AP1M1: variants seen among roughly 807,000 people sequenced by gnomAD.
The protein encoded by AP1M1 is adaptor related protein complex 1 subunit mu 1, also known as AP-1 complex subunit mu-1.
In AP1M1, 18 loss-of-function variants were observed where a neutral mutation model predicts 57.1. The observed-to-expected ratio is 0.32, with a 90% CI of 0.22 to 0.47. AP1M1 has a LOEUF of 0.47. Among genes scored for constraint, AP1M1 ranks in the 20% least tolerant of loss-of-function variants. The pLI is 1.00. For synonymous variants in AP1M1, 241 were observed against 237.9 expected (o/e 1.01, Z -0.12); for missense variants, 362 against 593.5 (o/e 0.61, Z 4.05).
Position 16,231,103 on chromosome 19 carries a change from ATG to A in AP1M1, c.1047+2176_1047+2177del, listed in dbSNP as rs1372726313. On this transcript the variant is annotated intron_variant, in intron 9 of 11. Coordinates refer to ENST00000291439, the MANE Select transcript of AP1M1 (RefSeq NM_032493.4). ...GGAGATCAAGACCATCCTGGCTAAC[ATG>A]GTGAAACCCCGTCTCTACTAAAAAT... Among the ~76,000 whole-genome samples the A allele has an allele frequency of 7.2e-5, 11 of 152,042 alleles. No individual in the cohort carries two copies. The East Asian group carries it at 1.2e-3, about 16-fold the overall frequency.
chr19:16,203,333 T>C lies in AP1M1; in HGVS notation c.43-126T>C. 1.1e-6 allele frequency: 1 copy of C among 914,490 alleles called. No individual in the cohort carries two copies. The highest frequency in any genetic ancestry group is 1.6e-5 in the African/African-American group (1 of 60,650). The allele number at this position is 914,490 out of a possible 1,614,324, so 56.6% of individuals were successfully genotyped here. A position where few individuals can be genotyped will look rare whatever the true frequency, so the allele number is the denominator to read the frequency against. On this transcript the variant is annotated intron_variant, in intron 1 of 11. Coordinates refer to ENST00000291439, the MANE Select transcript of AP1M1 (RefSeq NM_032493.4). This position sits in a 1 kb window ranked among gnomAD's most constrained non-coding sequence, Gnocchi z 4.6. ...AGAACGGCCTCAAGTCCTGCTCTTT[T>C]GCGGATAGTGGCCATGACCGGAGTC...
At chr19:16,205,744 G>C (rs1484185055) in intron 2 of AP1M1, among the ~76,000 whole-genome samples, 1 of 152,228 alleles carries the variant, frequency 6.6e-6, no homozygotes, top group East Asian at 1.9e-4. Flanking sequence ...TCCTGTGGCA[G>C]AAGGGAACAT....
rs2091576610 is a variant in AP1M1 at position 16,227,562 on chromosome 19, T to G, written c.688T>G (p.Ser230Ala). Residue 230 changes from serine (S) to alanine (A), a missense_variant, in exon 7 of 12, where the codon TCC (serine) becomes GCC (alanine). Coordinates refer to ENST00000291439, the MANE Select transcript of AP1M1 (RefSeq NM_032493.4). The surrounding 1 kb of genome is among the most constrained non-coding windows in gnomAD (Gnocchi z 6.2). ...CCTGACCCCAGGCGGCAAAAGCAAA[T>G]CCGTGGAGCTGGAGGATGTGAAGTT... Reference protein sequence around the residue: ...FDNTGRGKSKSVELEDVKFHQ... With the variant: ...FDNTGRGKSKAVELEDVKFHQ... The G allele has an allele frequency of 6.2e-7, 1 of 1,613,624 alleles. No homozygotes were observed. Among genetic ancestry groups the G allele is most frequent in the South Asian group, 1.1e-5 (1 of 91,090 alleles).
intron 5 of AP1M1, among the ~76,000 whole-genome samples, chr19:16,212,604 C>G (rs780632599): frequency 6.6e-5 from 10 of 152,140 alleles, no homozygotes; most frequent in Non-Finnish European, 1.2e-4. Context: ...TTCTAGAGTT[C>G]AGCTGTGACT....
rs546999881 is a variant in AP1M1 at position 16,231,116 on chromosome 19, G to A, written c.1047+2188G>A. On this transcript the variant is annotated intron_variant, in intron 9 of 11. Coordinates refer to ENST00000291439, the MANE Select transcript of AP1M1 (RefSeq NM_032493.4). ...ATCCTGGCTAACATGGTGAAACCCC[G>A]TCTCTACTAAAAATACAAAAAATTA... is the stretch of plus-strand genomic sequence containing the variant. 3.0e-3 allele frequency among the ~76,000 whole-genome samples: 457 copies of A among 151,816 alleles called. 3 individuals are homozygous for A. Among genetic ancestry groups the A allele is most frequent in the African/African-American group, 8.2e-3 (341 of 41,428 alleles).
intron 10 of AP1M1, 43 bp downstream of exon 10, chr19:16,233,661 G>A (rs1338051822): frequency 1.3e-6 from 2 of 1,578,962 alleles, no homozygotes; most frequent in Middle Eastern, 3.4e-4. Flanking sequence ...CAGGGACAGA[G>A]GCCGCAGGTG....
At position 16,234,231 on chromosome 19, in the gene AP1M1, G is replaced by A. The variant is rs527247445; in HGVS notation, c.1206G>A (p.Gly402=). The A allele has an allele frequency of 1.9e-6, 3 of 1,613,894 alleles. No individual in the cohort carries two copies. The East Asian group carries it at 6.7e-5, about 36-fold the overall frequency. ...ACCTGAAGATCATTGAGAAGAGTGG[G>A]TACCAGGCCCTGCCCTGGGTGCGTT... ...VRYLKIIEKS[G]YQALPWVRYI... The change falls in exon 11 of 12, where the codon GGG becomes GGA. Residue 402 remains glycine, a synonymous_variant. Coordinates refer to ENST00000291439, the MANE Select transcript of AP1M1 (RefSeq NM_032493.4).
In AP1M1 at chr19:16,208,036, C is replaced by T. The variant is rs1314726720; in HGVS notation, c.285C>T (p.Phe95=). Residue 95 remains phenylalanine (F), a synonymous_variant, in exon 4 of 12, where the codon TTC becomes TTT. Transcript: ENST00000291439. ...CGCCACAGGTGTTTTCCGAGTACTT[C>T]AAGGAGCTGGAGGAGGAGAGCATCC... ...YKVVQVFSEY[F]KELEEESIRD... 1.2e-6 allele frequency: 2 copies of T among 1,613,626 alleles called. No individual in the cohort carries two copies. Among genetic ancestry groups the T allele is most frequent in the East Asian group, 2.2e-5 (1 of 44,874 alleles).
At chr19:16,198,350 G>A (rs543724944) in intron 1 of AP1M1, 272 of 218,118 alleles carry the variant, frequency 1.2e-3, no homozygotes, top group African/African-American at 5.9e-3. Context: ...CGCCGGGGCC[G>A]GGGGCTCGGG....
At position 16,209,191 on chromosome 19, in the gene AP1M1, C is replaced by A; in HGVS notation, c.546+14C>A. 1 of 1,613,234 alleles carries A rather than the reference C, an allele frequency of 6.2e-7. No homozygotes were observed. On this transcript the variant is annotated intron_variant, in intron 5 of 11. Transcript: ENST00000291439. Reference sequence around the variant, plus strand: ...GTCAACCTCTTGGTAGGCCTCTTTTCTTTCCTTCTTCTGTAGGGTTTTATC... The same window carrying A: ...GTCAACCTCTTGGTAGGCCTCTTTTATTTCCTTCTTCTGTAGGGTTTTATC...
At chr19:16,205,123 G>A (rs537275591) in intron 2 of AP1M1, among the ~76,000 whole-genome samples, 7 of 152,188 alleles carry the variant, frequency 4.6e-5, no homozygotes, top group African/African-American at 7.2e-5. Flanking sequence ...GTGAGCCACC[G>A]TGCCCGGCCT....
Position 16,203,603 on chromosome 19 carries a change from A to T in AP1M1, c.187A>T (p.Asn63Tyr). 6.2e-7 allele frequency: 1 copy of T among 1,611,624 alleles called. No homozygotes were observed. The highest frequency in any genetic ancestry group is 8.5e-7 in the Non-Finnish European group (1 of 1,178,416). The change falls in exon 2 of 12, where the codon AAC becomes TAC. Residue 63 changes from asparagine (N) to tyrosine (Y), a missense_variant. By Grantham distance (143) the Asn-to-Tyr change is moderately radical (BLOSUM62 -2). This residue lies in a region of AP1M1 where 337 missense variants were observed against 511.1 expected (regional missense o/e 0.66). Coordinates refer to ENST00000291439, the MANE Select transcript of AP1M1 (RefSeq NM_032493.4). This position sits in a 1 kb window ranked among gnomAD's most constrained non-coding sequence, Gnocchi z 4.6. The part of the protein sequence containing the change: ...GGVRFMWIKH[N>Y]NLYLVATSKK... The stretch of plus-strand genomic sequence containing the variant: ...GGTCCGTTTCATGTGGATCAAACAC[A>T]ACAACCTGTATCGTATCCCTTTGCT...
chr19:16,216,171 A>G (rs1029833596), intron 5 of AP1M1, among the ~76,000 whole-genome samples: 1 of 152,110 alleles, frequency 6.6e-6, no homozygotes, highest in Non-Finnish European at 1.5e-5. Context: ...CTGTCATTTC[A>G]GCCATCTCAG....
rs906139167 is a variant in AP1M1 at position 16,235,177 on chromosome 19, C to T, written c.*742C>T. On this transcript the variant is annotated 3_prime_UTR_variant, in exon 12 of 12. Coordinates refer to ENST00000291439, the MANE Select transcript of AP1M1 (RefSeq NM_032493.4). Reference sequence around the variant, plus strand: ...GTCACTCAGCCAGATCAGTATTGACCCACCAGGGGAGGTGGGGTTTGGTGA... The same window carrying T: ...GTCACTCAGCCAGATCAGTATTGACTCACCAGGGGAGGTGGGGTTTGGTGA... 1 of 152,224 alleles carries T rather than the reference C, an allele frequency of 6.6e-6. No homozygotes were observed. The highest frequency in any genetic ancestry group is 1.5e-5 in the Non-Finnish European group (1 of 68,080). The allele number at this position is 152,224 out of a possible 1,614,324, so 9.4% of individuals were successfully genotyped here.
chr19:16,212,361 C>T (rs1429689390), intron 5 of AP1M1, among the ~76,000 whole-genome samples: 4 of 152,164 alleles, frequency 2.6e-5, no homozygotes, highest in African/African-American at 9.7e-5. Context: ...TTATCCATTT[C>T]TTCTAGATTT....
intron 5 of AP1M1, among the ~76,000 whole-genome samples, chr19:16,211,403 A>T (rs1381502677): frequency 6.6e-6 from 1 of 152,130 alleles, no homozygotes; most frequent in Non-Finnish European, 1.5e-5. Flanking sequence ...CCCCAATACT[A>T]TATTGAATAG....
Position 16,239,560 on chromosome 19 carries a change from A to G in AP1M1, c.*5125A>G, listed in dbSNP as rs1328787176. On this transcript the variant is annotated 3_prime_UTR_variant, in exon 12 of 12. Transcript: ENST00000291439. ...CACTTTGGGAGGCTGAGGCGGCCAG[A>G]TCATTTTAGGTCAGGAGTTTGAGAC... The G allele has an allele frequency of 2.6e-5, 4 of 152,062 alleles. No homozygotes were observed. In the South Asian group the frequency reaches 8.3e-4, roughly 32 times the overall value. The allele number at this position is 152,062 out of a possible 1,614,324, so 9.4% of individuals were successfully genotyped here.
rs1238175831 is a variant in AP1M1 at position 16,240,464 on chromosome 19, A to G, written c.*6029A>G. 1.3e-5 allele frequency: 2 copies of G among 151,962 alleles called. No homozygotes were observed. Among genetic ancestry groups the G allele is most frequent in the Non-Finnish European group, 2.9e-5 (2 of 67,996 alleles). The allele number at this position is 151,962 out of a possible 1,614,324, so 9.4% of individuals were successfully genotyped here. On this transcript the variant is annotated 3_prime_UTR_variant, in exon 12 of 12. Coordinates refer to ENST00000291439, the MANE Select transcript of AP1M1 (RefSeq NM_032493.4). ...AATCTTGAAGTGTTTTTTGTTTTTC[A>G]TTTTGACGGAGTTTCGCGTTTGTTG... is the stretch of plus-strand genomic sequence containing the variant.
At chr19:16,220,438 T>C (rs887047117) in intron 5 of AP1M1, among the ~76,000 whole-genome samples, 5 of 152,182 alleles carry the variant, frequency 3.3e-5, no homozygotes, top group Non-Finnish European at 7.3e-5. Flanking sequence ...TCACCCAGGC[T>C]GGAGTGCAGT....
Sources: gnomAD v4.1 joint callset for allele counts (sites outside exome capture counted in the v4.1 genomes callset) on GRCh38, gnomAD v4.1.1 for gene constraint, gnomAD v4.1.1 regional missense constraint, Gnocchi (gnomAD v3.1) non-coding constraint, MANE v1.5 for transcripts, NCBI Gene and HGNC (gene_info 2026-07-23, HGNC 2026-07-21) for gene names.